Variants in LIMS1 observed in about 807,000 individuals in gnomAD.
The protein encoded by LIMS1 is LIM and senescent cell antigen-like-containing domain protein 1.
LIMS1 carries 18 observed loss-of-function variants against 44.1 expected under a neutral mutation model. That is an observed-to-expected ratio of 0.41 (90% confidence interval 0.28 to 0.61). The LOEUF (loss-of-function observed/expected upper bound fraction) is 0.61. Among genes scored for constraint, LIMS1 ranks in the 20% least tolerant of loss-of-function variants. The probability of loss-of-function intolerance (pLI) is 0.32; values close to 1 mark genes in which losing one functional copy is unlikely to be tolerated. For missense variants in LIMS1, 201 were observed against 422.0 expected (o/e 0.48, Z 4.59); for synonymous variants, 93 against 149.1 (o/e 0.62, Z 2.74).
chr2:108,642,417 TG>T (rs1689757142), intron 1 of LIMS1, among the ~76,000 whole-genome samples: 1 of 134,150 alleles, frequency 7.5e-6, no homozygotes, highest in African/African-American at 2.7e-5. Flanking sequence ...TGGAGTGCAG[TG>T]GCGCGATCTC....
intron 7 of LIMS1, chr2:108,677,376 G>A (rs1484370075): frequency 6.5e-6 from 1 of 153,120 alleles, no homozygotes; most frequent in Non-Finnish European, 1.5e-5. Context: ...TACAGTGGCA[G>A]GGCATCTTCT....
At chr2:108,569,177 C>T (rs1466774667) in intron 1 of LIMS1, among the ~76,000 whole-genome samples, 1 of 152,172 alleles carries the variant, frequency 6.6e-6, no homozygotes, top group African/African-American at 2.4e-5. Flanking sequence ...AGGCGTGAGC[C>T]ACCGCACCTG....
At chr2:108,669,568 A>C (rs1692020558) in intron 2 of LIMS1, among the ~76,000 whole-genome samples, 1 of 152,192 alleles carries the variant, frequency 6.6e-6, no homozygotes, top group Non-Finnish European at 1.5e-5. Context: ...TGATACATTA[A>C]AAATGGATAT....
chr2:108,681,216 C>G (rs1252870540), intron 9 of LIMS1: 10 of 1,252,196 alleles, frequency 8.0e-6, no homozygotes, highest in Non-Finnish European at 1.0e-5. Context: ...TTCTTCCCCC[C>G]CTGCAACTTT....
chr2:108,633,390 A>T (rs1055308120), intron 1 of LIMS1, among the ~76,000 whole-genome samples: 1 of 152,246 alleles, frequency 6.6e-6, no homozygotes, highest in Non-Finnish European at 1.5e-5. Context: ...CAACCAGCAT[A>T]GGCGCTGTCA....
intron 1 of LIMS1, among the ~76,000 whole-genome samples, chr2:108,614,789 C>T (rs183190762): frequency 5.9e-5 from 9 of 152,198 alleles, no homozygotes; most frequent in Admixed American, 5.9e-4. Context: ...CTGGTAAAAA[C>T]AATTTTGAAG....
Position 108,673,052 on chromosome 2 carries a change from A to G in LIMS1, c.530+23A>G, listed in dbSNP as rs1439062820. 1.4e-5 allele frequency: 14 copies of G among 966,374 alleles called. No individual in the cohort carries two copies. The African/African-American group carries it at 2.2e-4, about 15-fold the overall frequency. The allele number at this position is 966,374 out of a possible 1,614,324, so 59.9% of individuals were successfully genotyped here. A position where few individuals can be genotyped will look rare whatever the true frequency, so the allele number is the denominator to read the frequency against. ...CGGGTACTGGAATTGTTTCTTTTTT[A>G]TTACACAAGCAGTGGGAATGAAAGA... On this transcript the variant is annotated intron_variant, in intron 5 of 9. Coordinates refer to ENST00000544547, the Ensembl canonical transcript of LIMS1.
At chr2:108,591,068 A>G (rs1686362445) in intron 1 of LIMS1, among the ~76,000 whole-genome samples, 1 of 152,138 alleles carries the variant, frequency 6.6e-6, no homozygotes, top group Admixed American at 6.6e-5. Flanking sequence ...AAGTTTGGGG[A>G]CATTAGGGAA....
rs74315160 is a variant in LIMS1, at chr2:108,637,099, A to ATGTGTGTGTG, written c.33-22468_33-22459dup. On this transcript the variant is annotated intron_variant, in intron 1 of 9. Coordinates refer to ENST00000544547, the Ensembl canonical transcript of LIMS1. The stretch of plus-strand genomic sequence containing the variant: ...TTTAAATTCAGCAAAATATACATAT[A>ATGTGTGTGTG]TGTGTGTGTGTGTGTGTGTGTGTGT... 7.7e-3 allele frequency among the ~76,000 whole-genome samples: 759 copies of ATGTGTGTGTG among 98,566 alleles called. 7 individuals are homozygous for ATGTGTGTGTG. The highest frequency in any genetic ancestry group is 0.012 in the Admixed American group (103 of 8,462). The allele number at this position is 98,566 out of a possible 152,430, so 64.7% of individuals were successfully genotyped here.
chr2:108,579,388 C>T (rs1344916705), intron 1 of LIMS1, among the ~76,000 whole-genome samples: 1 of 152,112 alleles, frequency 6.6e-6, no homozygotes, highest in Non-Finnish European at 1.5e-5. Flanking sequence ...AGCATATGAA[C>T]TTATTACTAG....
chr2:108,586,841 A>G (rs1686127172), intron 1 of LIMS1, among the ~76,000 whole-genome samples: 1 of 152,126 alleles, frequency 6.6e-6, no homozygotes, highest in African/African-American at 2.4e-5. Context: ...ATGACATAGG[A>G]CTGTCCCTGC....
At chr2:108,620,446 C>T (rs1007037843) in intron 1 of LIMS1, among the ~76,000 whole-genome samples, 4 of 152,092 alleles carry the variant, frequency 2.6e-5, no homozygotes, top group African/African-American at 4.8e-5. Context: ...ATTGGAGGGC[C>T]GTGCTGTGCC....
chr2:108,589,760 A>C (rs879387259), intron 1 of LIMS1, among the ~76,000 whole-genome samples: 2 of 151,566 alleles, frequency 1.3e-5, no homozygotes, highest in Non-Finnish European at 2.9e-5. Context: ...TTCTTCTTTA[A>C]TTTCCCCTTT....
chr2:108,657,668 A>C (rs1406729820), intron 1 of LIMS1, among the ~76,000 whole-genome samples: 1 of 152,310 alleles, frequency 6.6e-6, no homozygotes. Flanking sequence ...CAGAATGGAA[A>C]TTCATTTTAA....
At chr2:108,651,055 T>C (rs1690447997) in intron 1 of LIMS1, among the ~76,000 whole-genome samples, 1 of 152,150 alleles carries the variant, frequency 6.6e-6, no homozygotes, top group Non-Finnish European at 1.5e-5. Flanking sequence ...TTTACCAGAA[T>C]GCCAAAATGG....
Position 108,536,821 on chromosome 2 carries a change from G to A in LIMS1, c.32+2227G>A, listed in dbSNP as rs114816137. On this transcript the variant is annotated intron_variant, in intron 1 of 9. Transcript: ENST00000544547. ...TAGTCTGGGGGTCCCAAACTCCTGG[G>A]TTCCAGCAGTCCACCCACCTCAGCC... is the stretch of plus-strand genomic sequence containing the variant. 5.0e-3 allele frequency among the ~76,000 whole-genome samples: 765 copies of A among 152,242 alleles called. 6 individuals carry two copies. Among genetic ancestry groups the A allele is most frequent in the African/African-American group, 0.017 (727 of 41,550 alleles).
chr2:108,677,711 T>G lies in LIMS1; in HGVS notation c.775-268T>G, dbSNP rs1223759940. Reference sequence around the variant, plus strand: ...CTCTCCCGTCTATAGGTTTATTCATTTATCTATTTCTTATCCATATGGACT... The same window carrying G: ...CTCTCCCGTCTATAGGTTTATTCATGTATCTATTTCTTATCCATATGGACT... On this transcript the variant is annotated intron_variant, in intron 7 of 9. Transcript: ENST00000544547. 2.6e-5 allele frequency among the ~76,000 whole-genome samples: 4 copies of G among 152,214 alleles called. 1 individual carries two copies. The highest frequency in any genetic ancestry group is 6.3e-3 in the Middle Eastern group (2 of 316).
chr2:108,604,784 T>G (rs778613195), intron 1 of LIMS1, among the ~76,000 whole-genome samples: 1 of 152,164 alleles, frequency 6.6e-6, no homozygotes, highest in Non-Finnish European at 1.5e-5. Context: ...TAGAGTCTGT[T>G]GGACAGACAG....
At chr2:108,598,347 G>A (rs1386357665) in intron 1 of LIMS1, among the ~76,000 whole-genome samples, 1 of 152,210 alleles carries the variant, frequency 6.6e-6, no homozygotes, top group Admixed American at 6.5e-5. Context: ...TGTGATTTGA[G>A]ACTTTTTGTT....
Sources: gnomAD v4.1 joint callset for allele counts (sites outside exome capture counted in the v4.1 genomes callset) on GRCh38, gnomAD v4.1.1 for gene constraint, MANE v1.5 for transcripts, NCBI Gene and HGNC (gene_info 2026-07-23, HGNC 2026-07-21) for gene names.